Variants in MARCHF1 observed in about 807,000 individuals in gnomAD.
The protein encoded by MARCHF1 is E3 ubiquitin-protein ligase MARCHF1.
A neutral mutation model predicts 54.2 loss-of-function variants in MARCHF1; 40 were observed. The observed-to-expected ratio is 0.74, with a 90% CI of 0.57 to 0.96. The LOEUF is 0.96. Ranked by LOEUF, MARCHF1 falls within the 40% of genes least tolerant of loss-of-function variation. The probability of loss-of-function intolerance (pLI) is 0.00; values close to 1 mark genes in which losing one functional copy is unlikely to be tolerated. For missense variants in MARCHF1, 586 were observed against 656.5 expected (o/e 0.89, Z 1.17); for synonymous variants, 236 against 236.3 (o/e 1.00, Z 0.01).
chr4:164,335,780 G>T (rs149995666), intron 1 of MARCHF1, among the ~76,000 whole-genome samples: 2,142 of 152,132 alleles, frequency 0.014, 31 homozygotes, highest in Non-Finnish European at 0.021. Flanking sequence ...TACATTTTTG[G>T]ACATAATGCT....
rs1730680115 is a variant in MARCHF1, at chr4:164,176,939, GCGCTCTCTCTCTCTCTCTCT to G, written c.-322-65297_-322-65278del. Among the ~76,000 whole-genome samples, 4 of 53,678 alleles carry G rather than the reference GCGCTCTCTCTCTCTCTCTCT, an allele frequency of 7.5e-5. 1 individual carries two copies. The highest frequency in any genetic ancestry group is 2.4e-4 in the African/African-American group (4 of 16,364). 35.2% of individuals were successfully genotyped at this position (53,678 alleles called of 152,430 possible). A position where few individuals can be genotyped will look rare whatever the true frequency, so the allele number is the denominator to read the frequency against. ...TTTGTTATTTATCTGAGTACCTTGT[GCGCTCTCTCTCTCTCTCTCT>G]CTCTCTCTCTCTCTCTCTCTCTATA... On this transcript the variant is annotated intron_variant, in intron 1 of 9. Coordinates refer to ENST00000514618, the MANE Select transcript of MARCHF1 (RefSeq NM_001394959.1).
rs146582253 is a variant in MARCHF1 at position 164,165,478 on chromosome 4, G to T, written c.-322-53816C>A. On this transcript the variant is annotated intron_variant, in intron 1 of 9. Coordinates refer to ENST00000514618, the MANE Select transcript of MARCHF1 (RefSeq NM_001394959.1). ...AGAGCCCTCAACACAACCAAGCCGT[G>T]CTGGCACCTTGATCTCACAATTCTA... 8.7e-3 allele frequency among the ~76,000 whole-genome samples: 1,317 copies of T among 151,928 alleles called. 16 individuals carry two copies. Among genetic ancestry groups the T allele is most frequent in the Middle Eastern group, 0.024 (7 of 294 alleles).
chr4:164,253,512 T>C (rs1335617364), intron 1 of MARCHF1, among the ~76,000 whole-genome samples: 1 of 152,144 alleles, frequency 6.6e-6, no homozygotes, highest in Non-Finnish European at 1.5e-5. Flanking sequence ...GACAGTAGGA[T>C]GGTAGCAGTG....
chr4:163,858,328 G>A (rs1749826652), intron 3 of MARCHF1, among the ~76,000 whole-genome samples: 1 of 152,106 alleles, frequency 6.6e-6, no homozygotes, highest in Admixed American at 6.6e-5. Context: ...ACAGGAAAAT[G>A]CAGTTGCCTA....
chr4:163,710,257 G>T (rs1463627906), intron 4 of MARCHF1, among the ~76,000 whole-genome samples: 1 of 152,124 alleles, frequency 6.6e-6, no homozygotes, highest in African/African-American at 2.4e-5. Flanking sequence ...AAAGAAGACA[G>T]CTATCACAAC....
intron 3 of MARCHF1, among the ~76,000 whole-genome samples, chr4:163,942,992 T>A (rs777529680): frequency 6.6e-6 from 1 of 152,176 alleles, no homozygotes; most frequent in Non-Finnish European, 1.5e-5. Context: ...GCCGCATGTA[T>A]GTCTTCTTTT....
At chr4:164,022,832 C>T (rs1753692982) in intron 2 of MARCHF1, among the ~76,000 whole-genome samples, 1 of 152,224 alleles carries the variant, frequency 6.6e-6, no homozygotes, top group African/African-American at 2.4e-5. Context: ...TTCCTGCTCA[C>T]TAGCCACTCC....
At chr4:164,368,720 A>C (rs1730948795) in intron 1 of MARCHF1, among the ~76,000 whole-genome samples, 1 of 152,218 alleles carries the variant, frequency 6.6e-6, no homozygotes, top group South Asian at 2.1e-4. Flanking sequence ...ATTAGAAGCC[A>C]AAAAATTATA....
chr4:163,739,774 TTTATG>T (rs1430451416), intron 4 of MARCHF1, among the ~76,000 whole-genome samples: 1 of 152,158 alleles, frequency 6.6e-6, no homozygotes, highest in East Asian at 1.9e-4. Flanking sequence ...ACTTCACCCT[TTTATG>T]TTAAGATCAA....
intron 3 of MARCHF1, among the ~76,000 whole-genome samples, chr4:163,971,136 C>T (rs1752539317): frequency 8.5e-6 from 1 of 117,622 alleles, no homozygotes; most frequent in Non-Finnish European, 1.8e-5. Flanking sequence ...TCTCTCGTAC[C>T]CTATTATTTG....
chr4:163,800,309 T>C (rs1455256894), intron 4 of MARCHF1, among the ~76,000 whole-genome samples: 1 of 151,994 alleles, frequency 6.6e-6, no homozygotes, highest in Non-Finnish European at 1.5e-5. Flanking sequence ...TAACCTGATG[T>C]TTTAATTTTT....
chr4:163,700,912 C>T, intron 4 of MARCHF1, 49 bp from the exon 5 acceptor site: 1 of 1,273,686 alleles, frequency 7.9e-7, no homozygotes, highest in African/African-American at 1.5e-5. Flanking sequence ...ATGGTACTTT[C>T]ACCATACTGT....
chr4:164,198,383 T>A (rs1232667952), intron 1 of MARCHF1, among the ~76,000 whole-genome samples: 1 of 152,162 alleles, frequency 6.6e-6, no homozygotes, highest in Admixed American at 6.6e-5. Context: ...TTGAGTGGCA[T>A]GTATGTTTAT....
chr4:164,315,321 T>TC (rs1348448115), intron 1 of MARCHF1, among the ~76,000 whole-genome samples: 2 of 150,004 alleles, frequency 1.3e-5, no homozygotes, highest in African/African-American at 4.9e-5. Context: ...ATGAAAAGAC[T>TC]CATAAGCATC....
chr4:163,755,523 C>T (rs1436064103), intron 4 of MARCHF1, among the ~76,000 whole-genome samples: 1 of 152,110 alleles, frequency 6.6e-6, no homozygotes, highest in Non-Finnish European at 1.5e-5. Flanking sequence ...TCAAACTTAA[C>T]CCCAGCAGTG....
intron 5 of MARCHF1, among the ~76,000 whole-genome samples, chr4:163,689,932 T>C (rs998183853): frequency 6.6e-6 from 1 of 152,236 alleles, no homozygotes; most frequent in Admixed American, 6.5e-5. Flanking sequence ...AGATTGCCCC[T>C]GCCAGTGTTT....
chr4:164,140,825 T>A (rs1756514656), intron 1 of MARCHF1, among the ~76,000 whole-genome samples: 1 of 152,138 alleles, frequency 6.6e-6, no homozygotes, highest in Non-Finnish European at 1.5e-5. Flanking sequence ...TACACCTAGA[T>A]GCCTATACTC....
intron 4 of MARCHF1, among the ~76,000 whole-genome samples, chr4:163,739,386 A>T (rs574762203): frequency 1.3e-5 from 2 of 152,340 alleles, no homozygotes; most frequent in African/African-American, 2.4e-5. Flanking sequence ...CAAATTATGA[A>T]GGCTGATTAT....
intron 1 of MARCHF1, among the ~76,000 whole-genome samples, chr4:164,220,561 A>G (rs1398226578): frequency 6.9e-6 from 1 of 145,758 alleles, no homozygotes. Flanking sequence ...TATATGATAT[A>G]TATCTATATA....
Sources: gnomAD v4.1 joint callset for allele counts (sites outside exome capture counted in the v4.1 genomes callset) on GRCh38, gnomAD v4.1.1 for gene constraint, MANE v1.5 for transcripts, NCBI Gene and HGNC (gene_info 2026-07-23, HGNC 2026-07-21) for gene names.